Variants in VAV2 observed in about 807,000 individuals in gnomAD.
VAV2 encodes the protein guanine nucleotide exchange factor VAV2.
A neutral mutation model predicts 132.5 loss-of-function variants in VAV2; 67 were observed. That is an observed-to-expected ratio of 0.51 (90% CI 0.42 to 0.62). The LOEUF is 0.62. VAV2 is among the 20% of genes least tolerant of loss of function. VAV2 has a pLI of 0.00. For synonymous variants in VAV2, 492 were observed against 443.5 expected (o/e 1.11, Z -1.37); for missense variants, 938 against 1,153.6 (o/e 0.81, Z 2.71).
chr9:133,989,953 C>G (rs116340966), intron 1 of VAV2, among the ~76,000 whole-genome samples: 1 of 152,248 alleles, frequency 6.6e-6, no homozygotes. Flanking sequence ...CAGGGCACTA[C>G]GTGCCACAGT....
At chr9:133,808,881 G>A (rs1052519191) in intron 7 of VAV2, among the ~76,000 whole-genome samples, 159 bp downstream of exon 7, 1 of 152,226 alleles carries the variant, frequency 6.6e-6, no homozygotes, top group Non-Finnish European at 1.5e-5. Context: ...TTTTGGGTAG[G>A]GGGTACCTGG....
chr9:133,974,398 T>G (rs1442996746), intron 1 of VAV2, among the ~76,000 whole-genome samples: 1 of 152,080 alleles, frequency 6.6e-6, no homozygotes, highest in Non-Finnish European at 1.5e-5. Context: ...ACTCGCCGGG[T>G]GGGAGTGGAC....
At chr9:133,909,736 T>G (rs969437330) in intron 2 of VAV2, among the ~76,000 whole-genome samples, 1 of 152,222 alleles carries the variant, frequency 6.6e-6, no homozygotes, top group Non-Finnish European at 1.5e-5. Flanking sequence ...AGAAACACTC[T>G]GCCCTGAGAC....
At position 133,879,241 on chromosome 9, in the gene VAV2, T is replaced by C. The variant is rs1281225234; in HGVS notation, c.322-17809A>G. ...CTTGCTTCCTCACTCAGGTGTGCAA[T>C]ACACTTTGAGCAGCTGCTGCGTACC... On this transcript the variant is annotated intron_variant, in intron 2 of 29. Transcript: ENST00000371850. The surrounding 1 kb of genome is among the most constrained non-coding windows in gnomAD (Gnocchi z 4.4). Among the ~76,000 whole-genome samples the C allele has an allele frequency of 6.6e-6, 1 of 152,096 alleles. No individual in the cohort carries two copies. Among genetic ancestry groups the C allele is most frequent in the Non-Finnish European group, 1.5e-5 (1 of 68,016 alleles).
chr9:133,931,008 C>T lies in VAV2; in HGVS notation c.321+8095G>A, dbSNP rs138809504. Among the ~76,000 whole-genome samples the T allele has an allele frequency of 1.1e-4, 17 of 152,318 alleles. No individual in the cohort carries two copies. In the East Asian group the frequency reaches 1.7e-3, roughly 16 times the overall value. ...TGCTCTTTAACTCGAGCAAGAGAAG[C>T]GGCCTAGCGATTTCCTCTGGGAAGG... On this transcript the variant is annotated intron_variant, in intron 2 of 29. Coordinates refer to ENST00000371850, the MANE Select transcript of VAV2 (RefSeq NM_001134398.2).
At chr9:133,881,719 A>G (rs1406270279) in intron 2 of VAV2, among the ~76,000 whole-genome samples, 3 of 152,230 alleles carry the variant, frequency 2.0e-5, no homozygotes, top group Non-Finnish European at 4.4e-5. Flanking sequence ...TACCAAATGT[A>G]TAATTTAATA....
intron 3 of VAV2, among the ~76,000 whole-genome samples, chr9:133,849,278 T>G (rs565020135): frequency 2.7e-4 from 41 of 152,176 alleles, no homozygotes; most frequent in Non-Finnish European, 4.3e-4. Flanking sequence ...TCACCCCTCA[T>G]CCCTGCTACC....
intron 1 of VAV2, among the ~76,000 whole-genome samples, chr9:133,951,039 G>A (rs1450558335): frequency 1.3e-5 from 2 of 152,202 alleles, no homozygotes; most frequent in African/African-American, 4.8e-5. Flanking sequence ...CCAGTCTGAA[G>A]GAACGATTCT....
At chr9:133,960,382 T>A (rs1466481457) in intron 1 of VAV2, among the ~76,000 whole-genome samples, 1 of 152,014 alleles carries the variant, frequency 6.6e-6, no homozygotes, top group Non-Finnish European at 1.5e-5. Flanking sequence ...GTCTCCACAC[T>A]GGACAGAGGC....
At chr9:133,906,388 G>C (rs1485635727) in intron 2 of VAV2, among the ~76,000 whole-genome samples, 1 of 152,190 alleles carries the variant, frequency 6.6e-6, no homozygotes, top group East Asian at 1.9e-4. Context: ...TGCTCCAAAT[G>C]CAAGTTCTAG....
intron 1 of VAV2, among the ~76,000 whole-genome samples, chr9:133,984,075 C>G (rs370869): frequency 0.49 from 74,664 of 151,878 alleles, 19,328 homozygotes; most frequent in African/African-American, 0.6. Flanking sequence ...GGGTTCAAGC[C>G]ATTCTCCTGC....
chr9:133,972,103 C>T (rs963107439), intron 1 of VAV2, among the ~76,000 whole-genome samples: 8 of 152,182 alleles, frequency 5.3e-5, no homozygotes, highest in Admixed American at 3.9e-4. Flanking sequence ...CACACACACC[C>T]ACACACACCC....
intron 2 of VAV2, among the ~76,000 whole-genome samples, chr9:133,878,717 A>AG (rs1176250574): frequency 6.6e-6 from 1 of 152,134 alleles, no homozygotes; most frequent in Non-Finnish European, 1.5e-5. Context: ...CCGCAGGGGG[A>AG]TCCCCCAAGC....
Position 133,949,969 on chromosome 9 carries a change from C to A in VAV2, c.205-10750G>T, listed in dbSNP as rs566019236. ...AACGAGCTCTGCTGCAAACTTCAAGCGCCCAGCCGGTGAGAACCAGCAAGG... is the reference window on the plus strand; with the variant it reads ...AACGAGCTCTGCTGCAAACTTCAAGAGCCCAGCCGGTGAGAACCAGCAAGG... On this transcript the variant is annotated intron_variant, in intron 1 of 29. Transcript: ENST00000371850. Among the ~76,000 whole-genome samples the A allele has an allele frequency of 3.9e-5, 6 of 152,338 alleles. No individual in the cohort carries two copies. In the South Asian group the frequency reaches 1.2e-3, roughly 32 times the overall value.
At chr9:133,964,259 GA>G (rs1842075826) in intron 1 of VAV2, among the ~76,000 whole-genome samples, 1 of 150,772 alleles carries the variant, frequency 6.6e-6, no homozygotes, top group Admixed American at 6.6e-5. Flanking sequence ...TAAGGAGGCT[GA>G]GGCAGGAAAA....
At chr9:133,815,536 G>C (rs981831348) in intron 4 of VAV2, among the ~76,000 whole-genome samples, 1 of 152,054 alleles carries the variant, frequency 6.6e-6, no homozygotes, top group African/African-American at 2.4e-5. Flanking sequence ...GAATGTCAAC[G>C]GTGTTGTGCG....
At position 133,919,997 on chromosome 9, in the gene VAV2, C is replaced by T. The variant is rs948882974; in HGVS notation, c.321+19106G>A. Among the ~76,000 whole-genome samples the T allele has an allele frequency of 6.6e-6, 1 of 152,196 alleles. No homozygotes were observed. The highest frequency in any genetic ancestry group is 2.4e-5 in the African/African-American group (1 of 41,454). On this transcript the variant is annotated intron_variant, in intron 2 of 29. Transcript: ENST00000371850. This position sits in a 1 kb window ranked among gnomAD's most constrained non-coding sequence, Gnocchi z 5.8. The stretch of plus-strand genomic sequence containing the variant: ...AGCACCTGTTCTCTGCGCTGAGCCA[C>T]GTGCCAGGAGGCCAGACAGGCCTGG...
At chr9:133,815,317 CATA>C (rs1414073052) in intron 4 of VAV2, among the ~76,000 whole-genome samples, 3 of 152,088 alleles carry the variant, frequency 2.0e-5, no homozygotes, top group Admixed American at 6.6e-5. Flanking sequence ...ATAGGGTTCT[CATA>C]ATATTTTTGC....
chr9:133,847,281 AC>A (rs1836970228), intron 3 of VAV2, among the ~76,000 whole-genome samples: 1 of 152,186 alleles, frequency 6.6e-6, no homozygotes, highest in Non-Finnish European at 1.5e-5. Context: ...GGATCCAAGA[AC>A]AAAATTCTCC....
Sources: allele counts gnomAD v4.1 joint callset (sites outside exome capture counted in the v4.1 genomes callset), GRCh38; gene constraint gnomAD v4.1.1; non-coding constraint Gnocchi (gnomAD v3.1); transcripts MANE v1.5; gene names NCBI Gene and HGNC (gene_info 2026-07-23, HGNC 2026-07-21).